TLL1: variants seen among roughly 807,000 people sequenced by gnomAD.
The protein encoded by TLL1 is tolloid-like protein 1.
A neutral mutation model predicts 128.2 loss-of-function variants in TLL1; 49 were observed. The ratio of observed to expected loss-of-function variants is 0.38; its 90% CI spans 0.30 to 0.48. TLL1 has a LOEUF of 0.48. Ranked by LOEUF, TLL1 falls within the 20% of genes least tolerant of loss-of-function variation. The pLI is 0.96. For synonymous variants in TLL1, 454 were observed against 418.8 expected, an observed-to-expected ratio of 1.08 and a Z score of -1.03; for missense variants, 1,123 against 1,242.0, an observed-to-expected ratio of 0.90 and a Z score of 1.44.
At chr4:166,093,658 G>C (rs894680139) in intron 19 of TLL1, among the ~76,000 whole-genome samples, 4 of 152,068 alleles carry the variant, frequency 2.6e-5, no homozygotes, top group African/African-American at 9.7e-5. Context: ...TGTCGGGCTG[G>C]GGGACGGTCA....
intron 1 of TLL1, among the ~76,000 whole-genome samples, chr4:165,945,364 C>G (rs10021747): frequency 0.033 from 4,978 of 152,090 alleles, 262 homozygotes; most frequent in African/African-American, 0.11. Flanking sequence ...CACTTGGGAT[C>G]AGGGGATGAC....
rs188142875 is a variant in TLL1 at position 166,091,672 on chromosome 4, A to G, written c.2656+331A>G. 4.7e-3 allele frequency among the ~76,000 whole-genome samples: 719 copies of G among 152,216 alleles called. 4 individuals are homozygous for G. Among genetic ancestry groups the G allele is most frequent in the Non-Finnish European group, 8.8e-3 (598 of 67,980 alleles). On this transcript the variant is annotated intron_variant, in intron 19 of 20. Coordinates refer to ENST00000061240, the MANE Select transcript of TLL1 (RefSeq NM_012464.5). The stretch of plus-strand genomic sequence containing the variant: ...ACATTAGCAGTTTGATTTACATGTT[A>G]TATTTAACAGATAGAAATCTATGGC...
intron 1 of TLL1, among the ~76,000 whole-genome samples, chr4:165,916,586 G>A (rs1004748812): frequency 1.3e-5 from 2 of 152,098 alleles, no homozygotes; most frequent in Non-Finnish European, 2.9e-5. Context: ...GTAGATAAAG[G>A]ATATATGTAG....
At chr4:166,012,976 T>G (rs960098493) in intron 7 of TLL1, among the ~76,000 whole-genome samples, 13 of 151,774 alleles carry the variant, frequency 8.6e-5, no homozygotes, top group Non-Finnish European at 1.3e-4. Context: ...TCCTATAGAT[T>G]AACAGTTGTC....
chr4:166,046,345 C>T (rs116676103), intron 12 of TLL1, among the ~76,000 whole-genome samples: 1,705 of 152,196 alleles, frequency 0.011, 14 homozygotes, highest in Non-Finnish European at 0.018. Context: ...TGACTTTAGA[C>T]TAGAGACGCT....
chr4:165,900,451 A>T (rs1461928205), intron 1 of TLL1, among the ~76,000 whole-genome samples: 1 of 152,056 alleles, frequency 6.6e-6, no homozygotes, highest in Non-Finnish European at 1.5e-5. Flanking sequence ...ATCTCTCAGC[A>T]TTTGCTCGTC....
intron 1 of TLL1, among the ~76,000 whole-genome samples, chr4:165,933,679 G>C (rs1448705586): frequency 6.6e-6 from 1 of 152,140 alleles, no homozygotes; most frequent in Non-Finnish European, 1.5e-5. Context: ...AGCGTGGATG[G>C]CTTCTTACCT....
chr4:166,030,549 CT>C, intron 9 of TLL1: 2 of 573,536 alleles, frequency 3.5e-6, no homozygotes, highest in Non-Finnish European at 6.3e-6. Flanking sequence ...ATTGCCTGTG[CT>C]TTTGGTGTCA....
intron 1 of TLL1, among the ~76,000 whole-genome samples, chr4:165,930,676 A>G (rs1733475550): frequency 6.6e-6 from 1 of 152,224 alleles, no homozygotes; most frequent in Non-Finnish European, 1.5e-5. Flanking sequence ...GAATTTCTGC[A>G]ATTGAGATCA....
At chr4:165,962,425 G>C (rs147528952) in intron 1 of TLL1, among the ~76,000 whole-genome samples, 1 of 152,212 alleles carries the variant, frequency 6.6e-6, no homozygotes, top group Non-Finnish European at 1.5e-5. Flanking sequence ...ATAATAACAG[G>C]TGTTGGCTGT....
Position 166,104,203 on chromosome 4 carries a change from G to A in TLL1, c.*3327G>A, listed in dbSNP as rs1034179556. 4.6e-5 allele frequency among the ~76,000 whole-genome samples: 7 copies of A among 151,830 alleles called. No homozygotes were observed. The highest frequency in any genetic ancestry group is 8.8e-5 in the Non-Finnish European group (6 of 67,872). On this transcript the variant is annotated 3_prime_UTR_variant, in exon 21 of 21. Coordinates refer to ENST00000061240, the MANE Select transcript of TLL1 (RefSeq NM_012464.5). Reference sequence around the variant, plus strand: ...CTGCCATGTAGAAAAATCTCTAAAAGCATCAAATGACTAATTTTATTTTTG... The same window carrying A: ...CTGCCATGTAGAAAAATCTCTAAAAACATCAAATGACTAATTTTATTTTTG...
rs149533350 is a variant in TLL1 at position 165,926,166 on chromosome 4, G to A, written c.169+52093G>A. Among the ~76,000 whole-genome samples, 254 of 152,264 alleles carry A rather than the reference G, an allele frequency of 1.7e-3. 1 individual carries two copies. Among genetic ancestry groups the A allele is most frequent in the Non-Finnish European group, 2.9e-3 (200 of 68,022 alleles). On this transcript the variant is annotated intron_variant, in intron 1 of 20. Coordinates refer to ENST00000061240, the MANE Select transcript of TLL1 (RefSeq NM_012464.5). ...GGTATTTAATGAGATTTGGGGCTAG[G>A]AAAGCAATTTGATTTAAATGAAAGA...
At chr4:165,958,655 G>T (rs1295849610) in intron 1 of TLL1, among the ~76,000 whole-genome samples, 5 of 139,076 alleles carry the variant, frequency 3.6e-5, no homozygotes, top group Non-Finnish European at 6.1e-5. Context: ...CTCCCATTTT[G>T]TAGGTTGCCT....
intron 1 of TLL1, among the ~76,000 whole-genome samples, chr4:165,944,453 T>C (rs1385149955): frequency 1.3e-5 from 2 of 152,150 alleles, no homozygotes; most frequent in Admixed American, 1.3e-4. Context: ...AAGACCAGTG[T>C]TTCTGGAGCA....
chr4:165,977,098 G>A, intron 1 of TLL1, among the ~76,000 whole-genome samples: 1 of 152,168 alleles, frequency 6.6e-6, no homozygotes, highest in East Asian at 1.9e-4. Context: ...AGACATAAAT[G>A]TTAGAAGTTA....
chr4:165,986,171 A>G (rs1736386525), intron 1 of TLL1, among the ~76,000 whole-genome samples: 1 of 152,006 alleles, frequency 6.6e-6, no homozygotes, highest in Non-Finnish European at 1.5e-5. Context: ...CAAAATTCCA[A>G]AGTGGATTCG....
chr4:165,997,246 G>T (rs1736927744), intron 5 of TLL1, among the ~76,000 whole-genome samples: 1 of 152,008 alleles, frequency 6.6e-6, no homozygotes, highest in Admixed American at 6.6e-5. Context: ...AAGTACTTCA[G>T]CTCAACTAGA....
At chr4:166,002,739 C>A (rs1737228734) in intron 5 of TLL1, among the ~76,000 whole-genome samples, 1 of 152,202 alleles carries the variant, frequency 6.6e-6, no homozygotes, top group South Asian at 2.1e-4. Context: ...GCCACTGCAA[C>A]CAGCCAAAAG....
chr4:165,908,706 T>C (rs556134192), intron 1 of TLL1, among the ~76,000 whole-genome samples: 22 of 151,898 alleles, frequency 1.4e-4, no homozygotes, highest in Non-Finnish European at 8.8e-5. Flanking sequence ...GCTTTTTAAA[T>C]GGCTGAGAAA....
Sources: allele counts gnomAD v4.1 joint callset (sites outside exome capture counted in the v4.1 genomes callset), GRCh38; gene constraint gnomAD v4.1.1; transcripts MANE v1.5; gene names NCBI Gene and HGNC (gene_info 2026-07-23, HGNC 2026-07-21).